Variants in ROBO2 observed in about 807,000 individuals in gnomAD.
The protein encoded by ROBO2 is roundabout guidance receptor 2, also known as roundabout homolog 2.
ROBO2 carries 53 observed loss-of-function variants against 160.8 expected under a neutral mutation model. The observed-to-expected ratio is 0.33, with a 90% CI of 0.26 to 0.41. The LOEUF is 0.41. Among genes scored for constraint, ROBO2 ranks in the 10% least tolerant of loss-of-function variants. ROBO2 has a pLI of 1.00. For synonymous variants in ROBO2, 664 were observed against 611.7 expected (o/e 1.09, Z -1.26); for missense variants, 1,577 against 1,722.4 (o/e 0.92, Z 1.49).
chr3:76,436,159 A>AACAC (rs3065704), intron 2 of ROBO2, among the ~76,000 whole-genome samples: 6 of 140,518 alleles, frequency 4.3e-5, no homozygotes, highest in East Asian at 2.2e-4. Context: ...TTAAAAGGAA[A>AACAC]ACACACACAC....
chr3:76,289,650 CT>C (rs1708707402), intron 2 of ROBO2, among the ~76,000 whole-genome samples: 1 of 152,066 alleles, frequency 6.6e-6, no homozygotes, highest in East Asian at 1.9e-4. Context: ...TTTAATCCAT[CT>C]TGAGTTGATT....
chr3:77,536,256 A>T (rs1214028400), intron 6 of ROBO2, among the ~76,000 whole-genome samples: 1 of 152,150 alleles, frequency 6.6e-6, no homozygotes, highest in Non-Finnish European at 1.5e-5. Context: ...AATGTGCCTT[A>T]AAGCAGTCTG....
intron 2 of ROBO2, among the ~76,000 whole-genome samples, chr3:76,330,116 C>T (rs909848684): frequency 6.6e-6 from 1 of 152,166 alleles, no homozygotes; most frequent in African/African-American, 2.4e-5. Flanking sequence ...ATACATGAGG[C>T]ACCATGAGGC....
intron 2 of ROBO2, among the ~76,000 whole-genome samples, chr3:77,318,225 G>A (rs1441099534): frequency 6.6e-6 from 1 of 151,804 alleles, no homozygotes; most frequent in Non-Finnish European, 1.5e-5. Flanking sequence ...GTAGAGATGG[G>A]GTTTCGCCAT....
At chr3:77,078,078 G>A (rs1375815045) in intron 1 of ROBO2, among the ~76,000 whole-genome samples, 1 of 152,086 alleles carries the variant, frequency 6.6e-6, no homozygotes, top group Non-Finnish European at 1.5e-5. Flanking sequence ...CCAATTAAAA[G>A]TAATTTATTG....
At chr3:76,182,091 TA>T (rs1414636530) in intron 2 of ROBO2, among the ~76,000 whole-genome samples, 1 of 152,142 alleles carries the variant, frequency 6.6e-6, no homozygotes, top group African/African-American at 2.4e-5. Flanking sequence ...CCAGGAGCAT[TA>T]GATGGCTAGA....
At chr3:76,863,231 G>T (rs960288764) in intron 2 of ROBO2, among the ~76,000 whole-genome samples, 2 of 151,972 alleles carry the variant, frequency 1.3e-5, no homozygotes, top group Admixed American at 1.3e-4. Context: ...GTTTGTACAG[G>T]CTGTTTCTTC....
At chr3:76,422,733 T>A (rs1277849642) in intron 2 of ROBO2, among the ~76,000 whole-genome samples, 1 of 152,206 alleles carries the variant, frequency 6.6e-6, no homozygotes, top group African/African-American at 2.4e-5. Flanking sequence ...TCAAGCACTT[T>A]GATACTGCAA....
chr3:77,577,081 C>G (rs911939992), intron 14 of ROBO2, among the ~76,000 whole-genome samples: 2 of 151,920 alleles, frequency 1.3e-5, no homozygotes, highest in Non-Finnish European at 2.9e-5. Context: ...AGACATACAC[C>G]GGCTCAAATT....
chr3:75,984,204 G>A (rs1475698419), intron 2 of ROBO2, among the ~76,000 whole-genome samples: 4 of 151,446 alleles, frequency 2.6e-5, no homozygotes, highest in Non-Finnish European at 4.4e-5. Context: ...CTGTCAAGCA[G>A]CCACATATGT....
intron 2 of ROBO2, among the ~76,000 whole-genome samples, chr3:76,197,588 A>G (rs1418394620): frequency 6.6e-6 from 1 of 152,196 alleles, no homozygotes; most frequent in Non-Finnish European, 1.5e-5. Context: ...TACTTTAAAC[A>G]TAAAATAAAA....
chr3:77,532,871 T>G (rs2091849038), intron 6 of ROBO2, among the ~76,000 whole-genome samples: 1 of 152,050 alleles, frequency 6.6e-6, no homozygotes, highest in South Asian at 2.1e-4. Flanking sequence ...AGTTATTTGT[T>G]TTAAATTGTT....
chr3:76,603,416 T>G (rs929108525), intron 2 of ROBO2, among the ~76,000 whole-genome samples: 1 of 143,950 alleles, frequency 6.9e-6, no homozygotes, highest in Non-Finnish European at 1.5e-5. Flanking sequence ...TTCTTCTTTT[T>G]GATTTGAATA....
At chr3:77,542,652 C>A (rs1223109529) in intron 6 of ROBO2, among the ~76,000 whole-genome samples, 1 of 152,018 alleles carries the variant, frequency 6.6e-6, no homozygotes. Flanking sequence ...TTAGATTATA[C>A]CATCAGTGGT....
chr3:76,369,371 T>A (rs1311331274), intron 2 of ROBO2, among the ~76,000 whole-genome samples: 1 of 151,962 alleles, frequency 6.6e-6, no homozygotes, highest in Admixed American at 6.6e-5. Flanking sequence ...GATAATTAGC[T>A]TTCTTCAGAG....
In ROBO2 at chr3:77,546,341, C is replaced by A. The variant is rs761239340; in HGVS notation, c.938C>A (p.Pro313His). 1.2e-6 allele frequency: 2 copies of A among 1,612,846 alleles called. No individual in the cohort carries two copies. The highest frequency in any genetic ancestry group is 3.3e-5 in the Admixed American group (2 of 59,920). Residue 313 changes from proline (P) to histidine (H), a missense_variant, in exon 7 of 26, where the codon CCC (proline) becomes CAC (histidine). Pro to His is a moderately conservative substitution (Grantham distance 77, BLOSUM62 -2). This residue lies in a region of ROBO2 where 940 missense variants were observed against 1,135.5 expected (regional missense o/e 0.83). Coordinates refer to ENST00000461745, the Ensembl canonical transcript of ROBO2. ...TTTCTTTTCTTTTAAATTATAGCTC[C>A]CCCACAGTTTGTGGTTCGGCCAAGA...
chr3:77,114,141 C>T (rs1187507206), intron 2 of ROBO2, among the ~76,000 whole-genome samples: 2 of 152,112 alleles, frequency 1.3e-5, no homozygotes, highest in Non-Finnish European at 2.9e-5. Context: ...TTGGGGCAAA[C>T]CTTTTACCTT....
chr3:77,232,474 GA>G (rs1208989990), intron 2 of ROBO2, among the ~76,000 whole-genome samples: 1 of 152,178 alleles, frequency 6.6e-6, no homozygotes, highest in African/African-American at 2.4e-5. Flanking sequence ...TGATTTGTAG[GA>G]GAATGGTTTG....
At chr3:76,928,901 A>C (rs1257362118) in intron 2 of ROBO2, among the ~76,000 whole-genome samples, 1 of 152,042 alleles carries the variant, frequency 6.6e-6, no homozygotes, top group Non-Finnish European at 1.5e-5. Context: ...CATCTTTCTC[A>C]TTCTTCCCCT....
Sources: allele counts gnomAD v4.1 joint callset (sites outside exome capture counted in the v4.1 genomes callset), GRCh38; gene constraint gnomAD v4.1.1; regional missense constraint gnomAD v4.1.1; transcripts MANE v1.5; gene names NCBI Gene and HGNC (gene_info 2026-07-23, HGNC 2026-07-21).